TEX12: variants seen among roughly 807,000 people sequenced by gnomAD.
TEX12 encodes testis-expressed protein 12.
In TEX12, 7 loss-of-function variants were observed where a neutral mutation model predicts 14.6. The observed-to-expected ratio is 0.48, with a 90% CI of 0.27 to 0.90. TEX12 has a LOEUF of 0.90. TEX12 is among the 40% of genes least tolerant of loss of function. TEX12 has a pLI of 0.12. For missense variants in TEX12, 121 were observed against 135.7 expected, an observed-to-expected ratio of 0.89 and a Z score of 0.54; for synonymous variants, 57 against 49.1, an observed-to-expected ratio of 1.16 and a Z score of -0.67.
chr11:112,169,726 T>C (rs118149647), intron 2 of TEX12, among the ~76,000 whole-genome samples: 1,950 of 152,352 alleles, frequency 0.013, 21 homozygotes, highest in Non-Finnish European at 0.018. Context: ...ATTTGGGACA[T>C]GATTTGCTCC....
chr11:112,170,266 TA>T, intron 2 of TEX12, 152 bp from the exon 3 acceptor site: 1 of 508,418 alleles, frequency 2.0e-6, no homozygotes. Flanking sequence ...TAAATTTCCT[TA>T]ATAATAAAAA....
At chr11:112,170,795 T>G in intron 4 of TEX12, 121 bp downstream of exon 4, 2 of 695,246 alleles carry the variant, frequency 2.9e-6, no homozygotes, top group Non-Finnish European at 4.8e-6. Context: ...TTGGAATTTT[T>G]TATTCTACCT....
chr11:112,168,647 G>C (rs1400880096), intron 1 of TEX12, among the ~76,000 whole-genome samples: 1 of 152,230 alleles, frequency 6.6e-6, no homozygotes, highest in East Asian at 1.9e-4. Flanking sequence ...CCTCTCCTGG[G>C]TTCAAGCGAT....
intron 4 of TEX12, 83 bp downstream of exon 4, chr11:112,170,757 C>A: frequency 9.5e-7 from 1 of 1,056,590 alleles, no homozygotes; most frequent in Non-Finnish European, 1.4e-6. Flanking sequence ...AATTCTGTGG[C>A]TGCCAAACCT....
chr11:112,172,075 A>G lies in TEX12; in HGVS notation c.*159A>G. On this transcript the variant is annotated 3_prime_UTR_variant, in exon 5 of 5. Transcript: ENST00000280358. ...TTTCTAGGTTTAAAAAGGAACTTTT[A>G]AATTCCTTAATGTTAATATTAATGT... 1 of 446,576 alleles carries G rather than the reference A, an allele frequency of 2.2e-6. No individual in the cohort carries two copies. Among genetic ancestry groups the G allele is most frequent in the Non-Finnish European group, 3.7e-6 (1 of 267,848 alleles). 27.7% of individuals were successfully genotyped at this position (446,576 alleles called of 1,614,324 possible). A position where few individuals can be genotyped will look rare whatever the true frequency, so the allele number is the denominator to read the frequency against.
Position 112,169,376 on chromosome 11 carries a change from C to T in TEX12, c.63+45C>T, listed in dbSNP as rs770746148. 4.2e-6 allele frequency: 6 copies of T among 1,435,694 alleles called. No individual in the cohort carries two copies. In the East Asian group the frequency reaches 1.4e-4, roughly 33 times the overall value. 88.9% of individuals were successfully genotyped at this position (1,435,694 alleles called of 1,614,324 possible). A position where few individuals can be genotyped will look rare whatever the true frequency, so the allele number is the denominator to read the frequency against. On this transcript the variant is annotated intron_variant, in intron 2 of 4. Transcript: ENST00000280358. ...AGCCTTAATCTTTTATTCTGTTTTACATACTACTCAAATTTCTTCCCTTTA... is the reference window on the plus strand; with the variant it reads ...AGCCTTAATCTTTTATTCTGTTTTATATACTACTCAAATTTCTTCCCTTTA...
At chr11:112,170,594 T>C in intron 3 of TEX12, 29 bp from the exon 4 acceptor site, 1 of 1,601,386 alleles carries the variant, frequency 6.2e-7, no homozygotes, top group Non-Finnish European at 8.6e-7. Flanking sequence ...TTGTTATATT[T>C]TATAACTTAA....
intron 1 of TEX12, among the ~76,000 whole-genome samples, chr11:112,168,446 A>T (rs576665061): frequency 3.3e-5 from 5 of 152,306 alleles, no homozygotes; most frequent in African/African-American, 1.2e-4. Flanking sequence ...TACTGGTGTC[A>T]CTTGATCCAC....
intron 4 of TEX12, among the ~76,000 whole-genome samples, chr11:112,171,036 A>G (rs1866784361): frequency 6.6e-6 from 1 of 152,138 alleles, no homozygotes; most frequent in Non-Finnish European, 1.5e-5. Context: ...TGTCATAGAG[A>G]GTCAGCCTTT....
At chr11:112,170,919 G>T (rs927725327) in intron 4 of TEX12, among the ~76,000 whole-genome samples, 4 of 151,816 alleles carry the variant, frequency 2.6e-5, no homozygotes, top group Admixed American at 2.0e-4. Flanking sequence ...ATATATCTTG[G>T]TCTGTAATTA....
At chr11:112,171,608 G>A (rs1866791063) in intron 4 of TEX12, among the ~76,000 whole-genome samples, 164 bp from the exon 5 acceptor site, 1 of 151,848 alleles carries the variant, frequency 6.6e-6, no homozygotes, top group Non-Finnish European at 1.5e-5. Context: ...AAAAATATTT[G>A]TGGGACTAAT....
rs372394612 is a variant in TEX12, at chr11:112,170,539, T to C, written c.175+9T>C. On this transcript the variant is annotated intron_variant, in intron 3 of 4. Coordinates refer to ENST00000280358, the MANE Select transcript of TEX12 (RefSeq NM_031275.4). ...GGAGAAAGATTTAAATGGTGATGTATAAAATGTTTATATTTCTAAACATCA... is the reference window on the plus strand; with the variant it reads ...GGAGAAAGATTTAAATGGTGATGTACAAAATGTTTATATTTCTAAACATCA... 6 of 1,595,996 alleles carry C rather than the reference T, an allele frequency of 3.8e-6. No individual in the cohort carries two copies. In the African/African-American group the frequency reaches 8.1e-5, roughly 21 times the overall value.
In TEX12 at chr11:112,170,490, A is replaced by T; in HGVS notation, c.135A>T (p.Gly45=). 1 of 1,613,580 alleles carries T rather than the reference A, an allele frequency of 6.2e-7. No homozygotes were observed. The highest frequency in any genetic ancestry group is 1.7e-4 in the Middle Eastern group (1 of 6,058). The change falls in exon 3 of 5, where the codon GGA becomes GGT. Residue 45 remains glycine, a synonymous_variant. Transcript: ENST00000280358. The part of the protein sequence containing the change: ...KSDSSFSEIS[G]LFYKDEALEK... ...ATTCATCTTTCTCTGAAATTTCCGG[A>T]CTATTTTATAAAGATGAAGCCTTGG...
chr11:112,170,521 G>T lies in TEX12; in HGVS notation c.166G>T (p.Asp56Tyr). The change falls in exon 3 of 5, where the codon GAT becomes TAT. Residue 56 changes from aspartate (D) to tyrosine (Y), a missense_variant. Asp to Tyr is a radical substitution (Grantham distance 160). Transcript: ENST00000280358. ...LFYKDEALEK[D>Y]LNDVSKEINL... ...TTATAAAGATGAAGCCTTGGAGAAA[G>T]ATTTAAATGGTGATGTATAAAATGT... 6.2e-7 allele frequency: 1 copy of T among 1,606,872 alleles called. No homozygotes were observed. The highest frequency in any genetic ancestry group is 1.1e-5 in the South Asian group (1 of 90,732).
chr11:112,170,758 T>G (rs981269072), intron 4 of TEX12, 84 bp downstream of exon 4: 1 of 1,061,268 alleles, frequency 9.4e-7, no homozygotes, highest in Admixed American at 2.2e-5. Context: ...ATTCTGTGGC[T>G]GCCAAACCTC....
At position 112,170,450 on chromosome 11, in the gene TEX12, C is replaced by T. The variant is rs1433336823; in HGVS notation, c.95C>T (p.Ser32Phe). ...SPVPDSPQLS[S>F]LGKSDSSFSE... ...GTGCCAGATAGTCCACAGCTGTCCT[C>T]TCTTGGAAAATCAGATTCATCTTTC... The change falls in exon 3 of 5, where the codon TCT becomes TTT. Residue 32 changes from serine to phenylalanine, a missense_variant. By Grantham distance (155) the Ser-to-Phe change is radical. Coordinates refer to ENST00000280358, the MANE Select transcript of TEX12 (RefSeq NM_031275.4). The T allele has an allele frequency of 6.2e-7, 1 of 1,613,556 alleles. No homozygotes were observed. Among genetic ancestry groups the T allele is most frequent in the African/African-American group, 1.3e-5 (1 of 74,900 alleles).
At chr11:112,171,340 G>A (rs576270390) in intron 4 of TEX12, among the ~76,000 whole-genome samples, 2 of 151,862 alleles carry the variant, frequency 1.3e-5, no homozygotes, top group Non-Finnish European at 2.9e-5. Context: ...TGGTATCTGT[G>A]GGGGATTCTG....
At position 112,170,797 on chromosome 11, in the gene TEX12, AT is replaced by A; in HGVS notation, c.227+125del. ...AGTAATTAAAACTTTGGAATTTTTTATTCTACCTCAGTCCCTTATAATAGAT... is the reference window on the plus strand; with the variant it reads ...AGTAATTAAAACTTTGGAATTTTTTATCTACCTCAGTCCCTTATAATAGAT... On this transcript the variant is annotated intron_variant, in intron 4 of 4. Coordinates refer to ENST00000280358, the MANE Select transcript of TEX12 (RefSeq NM_031275.4). The A allele has an allele frequency of 1.3e-5, 9 of 685,082 alleles. No individual in the cohort carries two copies. In the South Asian group the frequency reaches 1.8e-4, roughly 13 times the overall value. 42.4% of individuals were successfully genotyped at this position (685,082 alleles called of 1,614,324 possible). A position where few individuals can be genotyped will look rare whatever the true frequency, so the allele number is the denominator to read the frequency against.
At chr11:112,170,375 A>C in intron 2 of TEX12, 44 bp from the exon 3 acceptor site, 2 of 1,305,416 alleles carry the variant, frequency 1.5e-6, no homozygotes, top group Non-Finnish European at 2.2e-6. Context: ...TATGTCCTGA[A>C]GATCTTATTG....
Sources: gnomAD v4.1 joint callset for allele counts (sites outside exome capture counted in the v4.1 genomes callset) on GRCh38, gnomAD v4.1.1 for gene constraint, MANE v1.5 for transcripts, NCBI Gene and HGNC (gene_info 2026-07-23, HGNC 2026-07-21) for gene names.